The following LIMS1 variants were observed in gnomAD, a reference collection of about 807,000 sequenced individuals.
The protein encoded by LIMS1 is LIM and senescent cell antigen-like-containing domain protein 1.
Under a neutral mutation model 44.1 loss-of-function variants are expected in LIMS1, and 18 were observed. That is an observed-to-expected ratio of 0.41 (90% CI 0.28 to 0.61). The LOEUF is 0.61. Among genes scored for constraint, LIMS1 ranks in the 20% least tolerant of loss-of-function variants. The probability of loss-of-function intolerance (pLI) is 0.32; values close to 1 mark genes in which losing one functional copy is unlikely to be tolerated. For synonymous variants in LIMS1, 93 were observed against 149.1 expected (o/e 0.62, Z 2.74); for missense variants, 201 against 422.0 (o/e 0.48, Z 4.59).
At chr2:108,568,236 A>G (rs1685361532) in intron 1 of LIMS1, among the ~76,000 whole-genome samples, 1 of 152,216 alleles carries the variant, frequency 6.6e-6, no homozygotes. Flanking sequence ...AATTGTTAAT[A>G]TTGAAGATTT....
intron 1 of LIMS1, among the ~76,000 whole-genome samples, chr2:108,619,360 C>CTTTTTTTTTTTTTTTT (rs747176925): frequency 7.4e-6 from 1 of 134,716 alleles, no homozygotes. Flanking sequence ...TGTTTCTGTT[C>CTTTTTTTTTTTTTTTT]TTTTTTTTTT....
At chr2:108,536,050 A>C (rs1216581576) in intron 1 of LIMS1, among the ~76,000 whole-genome samples, 1 of 152,214 alleles carries the variant, frequency 6.6e-6, no homozygotes, top group Admixed American at 6.5e-5. Context: ...GTTGATATAA[A>C]ATTTAAAGTA....
chr2:108,667,162 G>A (rs1405579595), intron 2 of LIMS1, among the ~76,000 whole-genome samples: 2 of 152,074 alleles, frequency 1.3e-5, no homozygotes, highest in Non-Finnish European at 2.9e-5. Context: ...CTACCTAGGG[G>A]CTGCCAGTCA....
chr2:108,635,713 A>G (rs1689201423), intron 1 of LIMS1, among the ~76,000 whole-genome samples: 1 of 152,136 alleles, frequency 6.6e-6, no homozygotes, highest in South Asian at 2.1e-4. Context: ...AAAAAGAATG[A>G]GGTAGACAGA....
chr2:108,579,361 A>G (rs1685800521), intron 1 of LIMS1, among the ~76,000 whole-genome samples: 1 of 152,146 alleles, frequency 6.6e-6, no homozygotes, highest in African/African-American at 2.4e-5. Context: ...ACCTTCTACC[A>G]CTATATAATG....
chr2:108,579,674 C>T (rs1202224050), intron 1 of LIMS1, among the ~76,000 whole-genome samples: 1 of 152,174 alleles, frequency 6.6e-6, no homozygotes, highest in Non-Finnish European at 1.5e-5. Context: ...TCCTCATTTG[C>T]TCATTTGTTT....
chr2:108,533,854 A>G (rs1684007631), upstream of LIMS1: 1 of 152,562 alleles, frequency 6.6e-6, no homozygotes, highest in Non-Finnish European at 1.5e-5. Flanking sequence ...TGCAGGCTCC[A>G]TGCGGAGCTC....
intron 1 of LIMS1, among the ~76,000 whole-genome samples, chr2:108,550,796 G>T (rs1242140451): frequency 4.1e-5 from 6 of 145,022 alleles, no homozygotes; most frequent in African/African-American, 1.6e-4. Flanking sequence ...AGCCTGGGCG[G>T]CAGAGAGAGA....
At chr2:108,674,271 A>G (rs1236556857) in intron 5 of LIMS1, among the ~76,000 whole-genome samples, 5 of 152,056 alleles carry the variant, frequency 3.3e-5, no homozygotes, top group Admixed American at 6.6e-5. Context: ...CGGAGGTTGC[A>G]GTGAGCTGAG....
At chr2:108,681,210 TC>T (rs1390921337) in intron 9 of LIMS1, 14 of 1,251,720 alleles carry the variant, frequency 1.1e-5, no homozygotes, top group Admixed American at 3.8e-5. Context: ...TTTGCTTTCT[TC>T]CCCCCCTGCA....
chr2:108,575,389 G>A (rs1196236963), intron 1 of LIMS1, among the ~76,000 whole-genome samples: 1 of 152,232 alleles, frequency 6.6e-6, no homozygotes, highest in African/African-American at 2.4e-5. Flanking sequence ...TCAGTTAGCT[G>A]AAATAGTAGA....
intron 5 of LIMS1, among the ~76,000 whole-genome samples, chr2:108,675,636 G>A (rs1692491632): frequency 6.6e-6 from 1 of 152,202 alleles, no homozygotes; most frequent in Admixed American, 6.5e-5. Flanking sequence ...GACTGGTGTG[G>A]TGGTATGTAT....
At chr2:108,591,982 A>G (rs1686427669) in intron 1 of LIMS1, among the ~76,000 whole-genome samples, 1 of 151,856 alleles carries the variant, frequency 6.6e-6, no homozygotes, top group Non-Finnish European at 1.5e-5. Context: ...TTTGGTAGAG[A>G]CGAAGTTTCA....
At chr2:108,660,410 C>T (rs58564286) in intron 2 of LIMS1, 201,681 of 437,648 alleles carry the variant, frequency 0.46, 50,851 homozygotes, top group East Asian at 0.95. Flanking sequence ...TCAACATTAC[C>T]GAAACCCCTT....
chr2:108,534,411 T>TCCCGCGCC (rs1684040853), exon 1 of LIMS1: 2 of 347,882 alleles, frequency 5.7e-6, no homozygotes, highest in Non-Finnish European at 4.3e-6. Flanking sequence ...TTCCCCCCCC[T>TCCCGCGCC]CCCGCGCCCC....
chr2:108,545,255 C>T (rs1167991429), intron 1 of LIMS1, among the ~76,000 whole-genome samples: 9 of 152,134 alleles, frequency 5.9e-5, no homozygotes, highest in Admixed American at 5.9e-4. Flanking sequence ...TTAACATCCT[C>T]ATATATATAA....
intron 1 of LIMS1, among the ~76,000 whole-genome samples, chr2:108,639,733 G>A (rs987107248): frequency 6.6e-6 from 1 of 152,202 alleles, no homozygotes; most frequent in Non-Finnish European, 1.5e-5. Flanking sequence ...TTACAGACGT[G>A]AGTCACCGTG....
chr2:108,638,048 G>A (rs1016909214), intron 1 of LIMS1, among the ~76,000 whole-genome samples: 24 of 151,948 alleles, frequency 1.6e-4, no homozygotes, highest in Non-Finnish European at 2.8e-4. Flanking sequence ...GTGTCACCAC[G>A]TTGCCCAGGC....
rs60822966 is a variant in LIMS1 at position 108,552,420 on chromosome 2, A to G, written c.32+17826A>G. On this transcript the variant is annotated intron_variant, in intron 1 of 9. Transcript: ENST00000544547. ...ACTATATATACTTAACTATAATTGT[A>G]TATAGTTAAAAATATAAATATAAAA... Among the ~76,000 whole-genome samples, 8 of 145,116 alleles carry G rather than the reference A, an allele frequency of 5.5e-5. 1 individual carries two copies. Among genetic ancestry groups the G allele is most frequent in the African/African-American group, 1.5e-4 (6 of 39,872 alleles).
Sources: gnomAD v4.1 joint callset for allele counts (sites outside exome capture counted in the v4.1 genomes callset) on GRCh38, gnomAD v4.1.1 for gene constraint, MANE v1.5 for transcripts, NCBI Gene and HGNC (gene_info 2026-07-23, HGNC 2026-07-21) for gene names.